The following SLC25A13 variants were observed in gnomAD, a reference collection of about 807,000 sequenced individuals.
SLC25A13 encodes solute carrier family 25 member 13.
SLC25A13 carries 70 observed loss-of-function variants against 85.5 expected under a neutral mutation model. The ratio of observed to expected loss-of-function variants is 0.82; its 90% CI spans 0.68 to 1.00. The LOEUF is 1.00. SLC25A13 is among the 50% of genes least tolerant of loss of function. The pLI, the probability that SLC25A13 is intolerant of heterozygous loss-of-function variation, is 0.00. For synonymous variants in SLC25A13, 259 were observed against 288.7 expected, an observed-to-expected ratio of 0.90 and a Z score of 1.04; for missense variants, 765 against 819.8, an observed-to-expected ratio of 0.93 and a Z score of 0.82.
intron 1 of SLC25A13, among the ~76,000 whole-genome samples, chr7:96,314,416 T>C (rs1181295991): frequency 1.3e-5 from 2 of 152,070 alleles, no homozygotes; most frequent in Admixed American, 6.6e-5. Context: ...GCCATGAAAA[T>C]AGAGTTTGCT....
rs1792815161 is a variant in SLC25A13, at chr7:96,146,698, T to A, written c.1312-2A>T. The A allele has an allele frequency of 6.2e-7, 1 of 1,613,778 alleles. No homozygotes were observed. Among genetic ancestry groups the A allele is most frequent in the Non-Finnish European group, 8.5e-7 (1 of 1,179,924 alleles). On this transcript the variant is annotated splice_acceptor_variant, in intron 13 of 17. Transcript: ENST00000265631. LOFTEE classifies it high-confidence loss of function. ...GAAAATCACCTGGGAGCCTCCAGCC[T>A]AAAAAGAACAAAAAAGATTTAGGAT...
intron 11 of SLC25A13, among the ~76,000 whole-genome samples, chr7:96,181,159 T>G (rs996795268): frequency 6.6e-6 from 1 of 152,194 alleles, no homozygotes; most frequent in Non-Finnish European, 1.5e-5. Context: ...AGAGCCAGAC[T>G]CATGGGATTT....
chr7:96,283,387 A>T (rs1324144094), intron 2 of SLC25A13: 3 of 364,972 alleles, frequency 8.2e-6, no homozygotes, highest in Non-Finnish European at 1.6e-5. Context: ...GAGGAGAGGC[A>T]CTCAATATAT....
At chr7:96,201,111 A>C (rs915010359) in intron 5 of SLC25A13, among the ~76,000 whole-genome samples, 2 of 152,172 alleles carry the variant, frequency 1.3e-5, no homozygotes, top group Non-Finnish European at 1.5e-5. Flanking sequence ...TTATGAAACA[A>C]TACCAAAGCT....
At chr7:96,210,131 A>G (rs962209293) in intron 4 of SLC25A13, among the ~76,000 whole-genome samples, 1 of 152,140 alleles carries the variant, frequency 6.6e-6, no homozygotes, top group African/African-American at 2.4e-5. Flanking sequence ...AAGCCTTGTC[A>G]TGAAGAAACA....
chr7:96,122,410 G>C (rs1031595256), intron 15 of SLC25A13, among the ~76,000 whole-genome samples: 1 of 152,126 alleles, frequency 6.6e-6, no homozygotes, highest in Non-Finnish European at 1.5e-5. Context: ...AGCTTGTTAT[G>C]CGTTTCCTCT....
At chr7:96,318,912 T>C (rs1218004980) in intron 1 of SLC25A13, among the ~76,000 whole-genome samples, 1 of 152,180 alleles carries the variant, frequency 6.6e-6, no homozygotes, top group Non-Finnish European at 1.5e-5. Context: ...CTATCCAGGC[T>C]CCTCAACTTT....
chr7:96,317,101 G>A (rs1287633139), intron 1 of SLC25A13, among the ~76,000 whole-genome samples: 1 of 152,110 alleles, frequency 6.6e-6, no homozygotes, highest in Non-Finnish European at 1.5e-5. Flanking sequence ...CTCCCGAGCA[G>A]CTGAGATTAC....
At chr7:96,181,308 T>G (rs577859528) in intron 11 of SLC25A13, among the ~76,000 whole-genome samples, 1 of 152,292 alleles carries the variant, frequency 6.6e-6, no homozygotes, top group South Asian at 2.1e-4. Flanking sequence ...CTCTCTGAGG[T>G]ATATTTCTAT....
intron 1 of SLC25A13, among the ~76,000 whole-genome samples, chr7:96,319,552 A>AC (rs1157329097): frequency 6.6e-6 from 1 of 151,128 alleles, no homozygotes; most frequent in Non-Finnish European, 1.5e-5. Flanking sequence ...AAAAAAAAAA[A>AC]AAAAAAAAAA....
intron 11 of SLC25A13, among the ~76,000 whole-genome samples, chr7:96,174,096 G>A (rs1794116729): frequency 3.9e-5 from 6 of 152,184 alleles, no homozygotes; most frequent in African/African-American, 1.2e-4. Flanking sequence ...AAAAGAGAAT[G>A]CACATAGCCC....
intron 14 of SLC25A13, among the ~76,000 whole-genome samples, chr7:96,134,075 C>A (rs1792157570): frequency 6.7e-6 from 1 of 149,854 alleles, no homozygotes; most frequent in African/African-American, 2.5e-5. Flanking sequence ...GTTGCCCAGG[C>A]TGGAATGCAG....
intron 14 of SLC25A13, among the ~76,000 whole-genome samples, chr7:96,142,937 T>A (rs548783039): frequency 6.6e-6 from 1 of 152,316 alleles, no homozygotes; most frequent in South Asian, 2.1e-4. Context: ...TGTATATGGA[T>A]AAAAATATCT....
chr7:96,158,160 C>T (rs1034850028), intron 13 of SLC25A13, among the ~76,000 whole-genome samples: 1 of 152,194 alleles, frequency 6.6e-6, no homozygotes. Flanking sequence ...TTCTCCAATG[C>T]TTCTTTATTA....
rs147169452 is a variant in SLC25A13 at position 96,144,621 on chromosome 7, A to G, written c.1452+1935T>C. On this transcript the variant is annotated intron_variant, in intron 14 of 17. Coordinates refer to ENST00000265631, the MANE Select transcript of SLC25A13 (RefSeq NM_014251.3). Reference sequence around the variant, plus strand: ...CTCATTTCAGGAAAGCAATTTTAGCACAAAAGTGGAAACAAGAAACTTCTG... The same window carrying G: ...CTCATTTCAGGAAAGCAATTTTAGCGCAAAAGTGGAAACAAGAAACTTCTG... Among the ~76,000 whole-genome samples, 363 of 152,348 alleles carry G rather than the reference A, an allele frequency of 2.4e-3. 1 individual carries two copies. The highest frequency in any genetic ancestry group is 8.3e-3 in the African/African-American group (345 of 41,584).
At chr7:96,232,256 A>T (rs1460773158) in intron 4 of SLC25A13, among the ~76,000 whole-genome samples, 1 of 151,820 alleles carries the variant, frequency 6.6e-6, no homozygotes, top group East Asian at 1.9e-4. Flanking sequence ...TGCAGTCATT[A>T]AAAAAAACAA....
Position 96,140,937 on chromosome 7 carries a change from A to G in SLC25A13, c.1452+5619T>C, listed in dbSNP as rs116767290. Among the ~76,000 whole-genome samples, 307 of 150,980 alleles carry G rather than the reference A, an allele frequency of 2.0e-3. 2 individuals carry two copies. Among genetic ancestry groups the G allele is most frequent in the African/African-American group, 7.2e-3 (295 of 41,144 alleles). ...AAATATCTATTCTAGTCCTTTGCTC[A>G]TTTTTAAAATCAGCTTCTTTTTCTT... On this transcript the variant is annotated intron_variant, in intron 14 of 17. Coordinates refer to ENST00000265631, the MANE Select transcript of SLC25A13 (RefSeq NM_014251.3).
chr7:96,300,068 C>A lies in SLC25A13; in HGVS notation c.16-3117G>T, dbSNP rs182903377. On this transcript the variant is annotated intron_variant, in intron 1 of 17. Transcript: ENST00000265631. ...TAGTACAAGCCTAAAAATCAAAACTCTCCCAATTTCTCCTAACAGTGTGTA... is the reference window on the plus strand; with the variant it reads ...TAGTACAAGCCTAAAAATCAAAACTATCCCAATTTCTCCTAACAGTGTGTA... 3.6e-4 allele frequency among the ~76,000 whole-genome samples: 55 copies of A among 152,296 alleles called. 1 individual carries two copies. In the South Asian group the frequency reaches 7.3e-3, roughly 20 times the overall value.
At chr7:96,252,896 C>A (rs1320137528) in intron 3 of SLC25A13, among the ~76,000 whole-genome samples, 2 of 152,060 alleles carry the variant, frequency 1.3e-5, no homozygotes, top group East Asian at 3.9e-4. Flanking sequence ...GAGTTTGAGA[C>A]CAGCCTGGAC....
Sources: gnomAD v4.1 joint callset for allele counts (sites outside exome capture counted in the v4.1 genomes callset) on GRCh38, gnomAD v4.1.1 for gene constraint, MANE v1.5 for transcripts, NCBI Gene and HGNC (gene_info 2026-07-23, HGNC 2026-07-21) for gene names.